EMB: variants seen among roughly 807,000 people sequenced by gnomAD.
EMB encodes embigin.
EMB carries 31 observed loss-of-function variants against 41.4 expected under a neutral mutation model. The ratio of observed to expected loss-of-function variants is 0.75; its 90% CI spans 0.56 to 1.01. The LOEUF is 1.01. Among genes scored for constraint, EMB ranks in the 50% least tolerant of loss-of-function variants. EMB has a pLI of 0.00. For missense variants in EMB, 379 were observed against 388.3 expected (o/e 0.98, Z 0.20); for synonymous variants, 137 against 140.4 (o/e 0.98, Z 0.17).
chr5:50,428,640 T>C, intron 1 of EMB: 4 of 984,534 alleles, frequency 4.1e-6, no homozygotes, highest in Non-Finnish European at 4.8e-6. Flanking sequence ...ATAAAGAGAA[T>C]TAAAAAAAAA....
intron 7 of EMB, among the ~76,000 whole-genome samples, chr5:50,400,730 A>G (rs1745147655): frequency 6.6e-6 from 1 of 152,032 alleles, no homozygotes; most frequent in African/African-American, 2.4e-5. Context: ...ACCTTCAGTG[A>G]TCCTTATGGT....
intron 2 of EMB, among the ~76,000 whole-genome samples, chr5:50,414,188 T>C (rs749721804): frequency 6.6e-6 from 1 of 151,960 alleles, no homozygotes; most frequent in Non-Finnish European, 1.5e-5. Flanking sequence ...TATGATGAAA[T>C]GTAGAATGCA....
At chr5:50,419,777 C>T (rs1745487918) in intron 2 of EMB, among the ~76,000 whole-genome samples, 1 of 152,106 alleles carries the variant, frequency 6.6e-6, no homozygotes, top group African/African-American at 2.4e-5. Context: ...ATAGAATTAA[C>T]CCAAATGCCC....
chr5:50,399,347 AACTT>A, intron 8 of EMB, 57 bp from the exon 9 acceptor site: 1 of 1,596,988 alleles, frequency 6.3e-7, no homozygotes, highest in Non-Finnish European at 8.5e-7. Flanking sequence ...ATTTTATAGT[AACTT>A]ACTATCACTT....
intron 1 of EMB, among the ~76,000 whole-genome samples, chr5:50,436,348 C>A (rs555632907): frequency 4.9e-4 from 74 of 152,138 alleles, no homozygotes; most frequent in Non-Finnish European, 9.1e-4. Flanking sequence ...TCTACTTTTT[C>A]TCTATCTTTA....
chr5:50,423,306 T>C (rs1364579474), intron 2 of EMB, among the ~76,000 whole-genome samples: 1 of 152,124 alleles, frequency 6.6e-6, no homozygotes, highest in East Asian at 1.9e-4. Context: ...GCGTATACCA[T>C]TGTAAAAGAG....
intron 2 of EMB, among the ~76,000 whole-genome samples, chr5:50,426,364 T>C (rs544641581): frequency 6.6e-6 from 1 of 152,328 alleles, no homozygotes; most frequent in African/African-American, 2.4e-5. Context: ...AATACAAACA[T>C]GGTACATAGT....
intron 4 of EMB, 49 bp downstream of exon 4, chr5:50,410,828 G>C (rs1289338611): frequency 8.9e-7 from 1 of 1,123,260 alleles, no homozygotes; most frequent in Non-Finnish European, 1.3e-6. Context: ...AGAAATCTAA[G>C]AACATAATGC....
At chr5:50,415,461 GTAATA>G (rs1253494080) in intron 2 of EMB, among the ~76,000 whole-genome samples, 1 of 152,138 alleles carries the variant, frequency 6.6e-6, no homozygotes, top group Non-Finnish European at 1.5e-5. Flanking sequence ...AACGTCAACA[GTAATA>G]TAATATAGCA....
intron 2 of EMB, among the ~76,000 whole-genome samples, chr5:50,412,727 C>A (rs767711478): frequency 6.6e-6 from 1 of 151,894 alleles, no homozygotes; most frequent in Non-Finnish European, 1.5e-5. Context: ...CAGTTTAATT[C>A]GCGGAGCCTG....
At chr5:50,415,440 C>A (rs1049003382) in intron 2 of EMB, among the ~76,000 whole-genome samples, 2 of 152,136 alleles carry the variant, frequency 1.3e-5, no homozygotes, top group African/African-American at 4.8e-5. Flanking sequence ...GTAAAAAGTT[C>A]TATCATAAGA....
intron 7 of EMB, among the ~76,000 whole-genome samples, chr5:50,401,282 T>C (rs915372096): frequency 6.6e-6 from 1 of 152,000 alleles, no homozygotes; most frequent in Admixed American, 6.6e-5. Context: ...TAGCAGCCTA[T>C]GTGAATGGAG....
chr5:50,439,491 T>A (rs1466563853), intron 1 of EMB, among the ~76,000 whole-genome samples: 1 of 150,026 alleles, frequency 6.7e-6, no homozygotes, highest in East Asian at 1.9e-4. Flanking sequence ...CTTTTAATTT[T>A]TTTTTTTTTT....
intron 1 of EMB, chr5:50,428,835 T>TTTA: frequency 7.9e-6 from 4 of 504,526 alleles, no homozygotes; most frequent in Non-Finnish European, 1.0e-5. Context: ...ACAAGGTTTC[T>TTTA]ATTTCCACCT....
intron 1 of EMB, among the ~76,000 whole-genome samples, chr5:50,433,088 A>C (rs1326072406): frequency 6.6e-6 from 1 of 152,084 alleles, no homozygotes; most frequent in African/African-American, 2.4e-5. Flanking sequence ...CAAAAAAAAA[A>C]CAAAAAACTT....
chr5:50,429,884 C>T (rs556323155), intron 1 of EMB, among the ~76,000 whole-genome samples: 1 of 151,830 alleles, frequency 6.6e-6, no homozygotes, highest in East Asian at 1.9e-4. Context: ...TTCTCCCATT[C>T]TCCCTCTCCT....
At chr5:50,437,696 G>C (rs998050133) in intron 1 of EMB, among the ~76,000 whole-genome samples, 43 of 152,086 alleles carry the variant, frequency 2.8e-4, no homozygotes, top group Non-Finnish European at 5.3e-4. Context: ...GTGGGTGCTT[G>C]AATAGTATTT....
At chr5:50,431,726 A>C (rs1393066636) in intron 1 of EMB, among the ~76,000 whole-genome samples, 1 of 152,220 alleles carries the variant, frequency 6.6e-6, no homozygotes, top group African/African-American at 2.4e-5. Context: ...TCATTGCTGG[A>C]AAATTTCCAT....
chr5:50,413,719 G>A (rs192319267), intron 2 of EMB, among the ~76,000 whole-genome samples: 27 of 152,020 alleles, frequency 1.8e-4, no homozygotes, highest in African/African-American at 5.8e-4. Context: ...GGGATTACAG[G>A]CGCCTGCCAC....
Sources: gnomAD v4.1 joint callset for allele counts (sites outside exome capture counted in the v4.1 genomes callset) on GRCh38, gnomAD v4.1.1 for gene constraint, MANE v1.5 for transcripts, NCBI Gene and HGNC (gene_info 2026-07-23, HGNC 2026-07-21) for gene names.